The following CYP3A7 variants were observed in gnomAD, a reference collection of about 807,000 sequenced individuals.
CYP3A7 encodes the protein cytochrome P450 3A7.
A neutral mutation model predicts 55.2 loss-of-function variants in CYP3A7; 45 were observed. That is an observed-to-expected ratio of 0.82 (90% CI 0.64 to 1.05). The LOEUF (loss-of-function observed/expected upper bound fraction) is 1.05. CYP3A7 is among the 50% of genes least tolerant of loss of function. The pLI is 0.00. For missense variants in CYP3A7, 548 were observed against 605.3 expected, an observed-to-expected ratio of 0.91 and a Z score of 0.99; for synonymous variants, 180 against 207.4, an observed-to-expected ratio of 0.87 and a Z score of 1.13.
chr7:99,713,019 C>T (rs543546861), intron 9 of CYP3A7, among the ~76,000 whole-genome samples: 31 of 152,296 alleles, frequency 2.0e-4, no homozygotes, highest in South Asian at 1.9e-3. Context: ...CAGTTAAAAT[C>T]GCCCTTATTT....
At chr7:99,713,632 G>GCC (rs1813836154) in intron 8 of CYP3A7, 97 bp from the exon 9 acceptor site, 1 of 1,535,204 alleles carries the variant, frequency 6.5e-7, no homozygotes, top group Non-Finnish European at 9.0e-7. Context: ...TGAGAATATA[G>GCC]CCCCTTGGAG....
intron 9 of CYP3A7, among the ~76,000 whole-genome samples, chr7:99,711,578 A>C (rs1453597840): frequency 6.6e-6 from 1 of 152,098 alleles, no homozygotes; most frequent in African/African-American, 2.4e-5. Context: ...AGACCAGCCT[A>C]ACCAACATGG....
intron 8 of CYP3A7, among the ~76,000 whole-genome samples, chr7:99,714,085 G>T (rs534742428): frequency 6.6e-6 from 1 of 152,110 alleles, no homozygotes; most frequent in Non-Finnish European, 1.5e-5. Flanking sequence ...GCTGTCAGAG[G>T]GCTCAAATGT....
chr7:99,719,396 C>T (rs1814094705), intron 4 of CYP3A7, among the ~76,000 whole-genome samples: 2 of 152,082 alleles, frequency 1.3e-5, no homozygotes, highest in South Asian at 2.1e-4. Context: ...CCAAAAATGG[C>T]TTTGGAACAA....
At chr7:99,710,951 A>T in intron 9 of CYP3A7, 59 bp from the exon 10 acceptor site, 1 of 1,611,646 alleles carries the variant, frequency 6.2e-7, no homozygotes, top group Non-Finnish European at 8.5e-7. Context: ...ATCACAGTTT[A>T]GATGAAAAGA....
At chr7:99,728,076 C>T (rs563321293) in intron 2 of CYP3A7, among the ~76,000 whole-genome samples, 10 of 152,280 alleles carry the variant, frequency 6.6e-5, no homozygotes, top group Admixed American at 5.2e-4. Context: ...GCCAGTTTTT[C>T]TCCTTCTCAT....
At chr7:99,716,042 TCTCCCATCACA>T in intron 6 of CYP3A7, 136 bp from the exon 7 acceptor site, 1 of 1,544,462 alleles carries the variant, frequency 6.5e-7, no homozygotes, top group Non-Finnish European at 8.8e-7. Flanking sequence ...TACTGGAGCA[TCTCCCATCACA>T]CTCCCTCAGA....
At chr7:99,714,740 T>A in intron 7 of CYP3A7, 58 bp from the exon 8 acceptor site, 1 of 1,590,732 alleles carries the variant, frequency 6.3e-7, no homozygotes. Flanking sequence ...AAAATTTACC[T>A]GGAGCAATTC....
At chr7:99,731,809 G>T (rs1337106411) in intron 1 of CYP3A7, among the ~76,000 whole-genome samples, 2 of 152,038 alleles carry the variant, frequency 1.3e-5, no homozygotes, top group Admixed American at 6.6e-5. Flanking sequence ...CATTGGCCTC[G>T]TAGAAGTGCG....
rs1026003801 is a variant in CYP3A7 at position 99,705,424 on chromosome 7, T to C, written c.*76A>G. ...GCCCGTCTTCATTTCAGGGTTCTAT[T>C]TGTAAAGTAATTTGAGGTCTCTGGT... On this transcript the variant is annotated 3_prime_UTR_variant, in exon 13 of 13. Coordinates refer to ENST00000336374, the MANE Select transcript of CYP3A7 (RefSeq NM_000765.5). 1.7e-5 allele frequency: 25 copies of C among 1,513,242 alleles called. No homozygotes were observed. In the African/African-American group the frequency reaches 2.9e-4, roughly 18 times the overall value. The allele number at this position is 1,513,242 out of a possible 1,614,324, so 93.7% of individuals were successfully genotyped here. A position where few individuals can be genotyped will look rare whatever the true frequency, so the allele number is the denominator to read the frequency against.
chr7:99,709,308 A>G (rs1426897214), intron 10 of CYP3A7, 47 bp from the exon 11 acceptor site: 4 of 1,591,088 alleles, frequency 2.5e-6, no homozygotes, highest in Non-Finnish European at 3.4e-6. Context: ...TTTTGAATTA[A>G]CTTTTAACTC....
rs1234457874 is a variant in CYP3A7 at position 99,714,577 on chromosome 7, C to A, written c.776G>T (p.Gly259Val). 6.8e-6 allele frequency: 11 copies of A among 1,612,910 alleles called. 1 individual carries two copies. In the South Asian group the frequency reaches 1.1e-4, roughly 16 times the overall value. Residue 259 changes from glycine to valine, a missense_variant, in exon 8 of 13, where the codon GGT (glycine) becomes GTT (valine). Gly to Val is a moderately radical substitution (Grantham distance 109). Coordinates refer to ENST00000336374, the MANE Select transcript of CYP3A7 (RefSeq NM_000765.5). ...TACCTTTTGTGTCTCTTTGAGGCGA[C>A]CTTCTTTTATCTGTTTTACAGATTT... is the stretch of plus-strand genomic sequence containing the variant. Reference protein sequence around the residue: ...LTKSVKQIKEGRLKETQKHRV... With the variant: ...LTKSVKQIKEVRLKETQKHRV...
intron 2 of CYP3A7, among the ~76,000 whole-genome samples, chr7:99,730,094 G>A (rs1375690880): frequency 6.6e-6 from 1 of 152,152 alleles, no homozygotes; most frequent in Non-Finnish European, 1.5e-5. Context: ...GCTGCTGCTG[G>A]CCCTGTGGAA....
At chr7:99,706,201 T>C (rs899478947) in intron 12 of CYP3A7, among the ~76,000 whole-genome samples, 3 of 152,202 alleles carry the variant, frequency 2.0e-5, no homozygotes, top group African/African-American at 7.2e-5. Context: ...GTGTTTTGAC[T>C]CAACTTTTCT....
rs780693785 is a variant in CYP3A7, at chr7:99,731,134, A to G, written c.90T>C (p.His30=). ...GAATTCCAAGCTTCTTAAAAAGTCC[A>G]TGTGTACGGGTTCCATATCTACAAA... is the stretch of plus-strand genomic sequence containing the variant. ...ILLYLYGTRT[H]GLFKKLGIPG... is the part of the protein sequence containing the mutation. The change falls in exon 2 of 13, where the codon CAT becomes CAC. Residue 30 remains histidine, a synonymous_variant. Transcript: ENST00000336374. The G allele has an allele frequency of 2.5e-6, 4 of 1,613,790 alleles. No homozygotes were observed. Among genetic ancestry groups the G allele is most frequent in the South Asian group, 1.1e-5 (1 of 91,080 alleles).
At chr7:99,733,607 CAG>C (rs1024840251) in intron 1 of CYP3A7, among the ~76,000 whole-genome samples, 3 of 152,190 alleles carry the variant, frequency 2.0e-5, no homozygotes, top group East Asian at 3.9e-4. Flanking sequence ...CAGCCACACA[CAG>C]AGTGACACTG....
intron 1 of CYP3A7, among the ~76,000 whole-genome samples, chr7:99,732,159 G>T (rs1192595213): frequency 6.6e-6 from 1 of 152,138 alleles, no homozygotes. Context: ...CTGTCCTCTT[G>T]ACAATGAGTT....
At position 99,717,198 on chromosome 7, in the gene CYP3A7, C is replaced by T; in HGVS notation, c.500G>A (p.Gly167Asp). The part of the protein sequence containing the change: ...VRNLRREAET[G>D]KPVTLKHVFG... ...TTACTGTTTCAAGGTGACAGGCTTG[C>T]CTGTCTCTGCTTCCCGCCTCAGATT... The change falls in exon 6 of 13, where the codon GGC (glycine) becomes GAC (aspartate). Residue 167 changes from glycine (G) to aspartate (D), a missense_variant. Coordinates refer to ENST00000336374, the MANE Select transcript of CYP3A7 (RefSeq NM_000765.5). 6.2e-7 allele frequency: 1 copy of T among 1,613,920 alleles called. No homozygotes were observed. Among genetic ancestry groups the T allele is most frequent in the Non-Finnish European group, 8.5e-7 (1 of 1,179,830 alleles).
At chr7:99,708,040 G>A in intron 11 of CYP3A7, 66 bp from the exon 12 acceptor site, 1 of 1,610,936 alleles carries the variant, frequency 6.2e-7, no homozygotes, top group South Asian at 1.1e-5. Flanking sequence ...TACATGTTAG[G>A]GTTTCTTACT....
Sources: gnomAD v4.1 joint callset for allele counts (sites outside exome capture counted in the v4.1 genomes callset) on GRCh38, gnomAD v4.1.1 for gene constraint, MANE v1.5 for transcripts, NCBI Gene and HGNC (gene_info 2026-07-23, HGNC 2026-07-21) for gene names.